Variants in PALM2AKAP2 observed in about 807,000 individuals in gnomAD.
PALM2AKAP2 encodes PALM2-AKAP2 fusion protein.
PALM2AKAP2 carries 37 observed loss-of-function variants against 71.5 expected under a neutral mutation model. The observed-to-expected ratio is 0.52, with a 90% CI of 0.40 to 0.68. The LOEUF (loss-of-function observed/expected upper bound fraction) is 0.68, where lower values mean the gene tolerates loss of function less well. Ranked by LOEUF, PALM2AKAP2 falls within the 30% of genes least tolerant of loss-of-function variation. PALM2AKAP2 has a pLI of 0.00. For missense variants in PALM2AKAP2, 1,224 were observed against 1,191.8 expected (o/e 1.03, Z -0.40); for synonymous variants, 468 against 478.8 (o/e 0.98, Z 0.29).
At chr9:109,718,988 A>G (rs1249066980) in intron 1 of PALM2AKAP2, among the ~76,000 whole-genome samples, 4 of 152,236 alleles carry the variant, frequency 2.6e-5, no homozygotes. Context: ...AAAAAAATGC[A>G]TTGTTCTGGC....
At chr9:109,647,748 A>G (rs12375900) in intron 1 of PALM2AKAP2, among the ~76,000 whole-genome samples, 4,589 of 152,274 alleles carry the variant, frequency 0.03, 81 homozygotes, top group Non-Finnish European at 0.047. Context: ...ACAAGGTGCA[A>G]ATGTTCAGAA....
At chr9:110,134,370 T>A (rs1418894404) in intron 1 of PALM2AKAP2, among the ~76,000 whole-genome samples, 1 of 152,132 alleles carries the variant, frequency 6.6e-6, no homozygotes, top group African/African-American at 2.4e-5. Context: ...AAATATTAAT[T>A]GTGTTAAGTA....
chr9:109,728,883 T>C (rs79496657), intron 1 of PALM2AKAP2, among the ~76,000 whole-genome samples: 2 of 152,310 alleles, frequency 1.3e-5, no homozygotes, highest in South Asian at 4.1e-4. Flanking sequence ...TAATTTACTG[T>C]GGCATTTTAC....
At chr9:109,740,432 C>A (rs1298093498) in intron 1 of PALM2AKAP2, among the ~76,000 whole-genome samples, 2 of 151,842 alleles carry the variant, frequency 1.3e-5, no homozygotes, top group Non-Finnish European at 2.9e-5. Flanking sequence ...TGTGTAGAGA[C>A]CTGATGGAAG....
At chr9:110,123,180 A>G (rs1835527347) in intron 1 of PALM2AKAP2, among the ~76,000 whole-genome samples, 2 of 152,172 alleles carry the variant, frequency 1.3e-5, no homozygotes, top group South Asian at 4.1e-4. Context: ...TGTATGTGTG[A>G]GTATATAGAT....
chr9:109,831,430 C>G (rs1362718786), intron 1 of PALM2AKAP2, among the ~76,000 whole-genome samples: 1 of 145,232 alleles, frequency 6.9e-6, no homozygotes, highest in Non-Finnish European at 1.6e-5. Context: ...TAGGCAAACA[C>G]TTGACACCCC....
At chr9:110,042,214 G>A (rs941500332) in intron 7 of PALM2AKAP2, among the ~76,000 whole-genome samples, 1 of 152,170 alleles carries the variant, frequency 6.6e-6, no homozygotes, top group African/African-American at 2.4e-5. Flanking sequence ...ATCACCTGAG[G>A]TTGGGAGTTT....
At chr9:109,745,208 C>T (rs1458969350) in intron 1 of PALM2AKAP2, among the ~76,000 whole-genome samples, 5 of 152,006 alleles carry the variant, frequency 3.3e-5, no homozygotes, top group South Asian at 2.1e-4. Context: ...GGCTCGTAGC[C>T]GGGCATGGTG....
chr9:110,020,437 CTG>C (rs1347475746), intron 7 of PALM2AKAP2, among the ~76,000 whole-genome samples: 4 of 152,090 alleles, frequency 2.6e-5, no homozygotes, highest in African/African-American at 9.7e-5. Flanking sequence ...AATCCTAGCA[CTG>C]TGGGAGGCCG....
chr9:109,929,822 C>G (rs1186444428), intron 5 of PALM2AKAP2, among the ~76,000 whole-genome samples: 1 of 145,242 alleles, frequency 6.9e-6, no homozygotes, highest in Non-Finnish European at 1.5e-5. Context: ...TGAGATTGCG[C>G]CACTGCACTC....
chr9:109,697,971 T>C (rs908815078), intron 1 of PALM2AKAP2, among the ~76,000 whole-genome samples: 1 of 152,198 alleles, frequency 6.6e-6, no homozygotes, highest in African/African-American at 2.4e-5. Context: ...CCATTATTAG[T>C]GCTTTTGGCA....
At chr9:109,642,764 C>A (rs947808253) in intron 1 of PALM2AKAP2, among the ~76,000 whole-genome samples, 3 of 150,934 alleles carry the variant, frequency 2.0e-5, no homozygotes, top group African/African-American at 7.3e-5. Flanking sequence ...GTTGCTCAGG[C>A]TAGTCTTGAA....
At position 109,660,200 on chromosome 9, in the gene PALM2AKAP2, T is replaced by A. The variant is rs549178228; in HGVS notation, c.5+19334T>A. 5.3e-5 allele frequency among the ~76,000 whole-genome samples: 8 copies of A among 152,336 alleles called. No individual in the cohort carries two copies. In the South Asian group the frequency reaches 1.0e-3, roughly 20 times the overall value. On this transcript the variant is annotated intron_variant, in intron 1 of 6. Coordinates refer to the PALM2AKAP2 transcript ENST00000374531. ...ACAAACCCTAGCAAAGTATCTTTTT[T>A]AAAATTATTATTATACTTTAAGTTC...
intron 7 of PALM2AKAP2, among the ~76,000 whole-genome samples, chr9:110,030,575 G>A (rs1467099272): frequency 6.6e-6 from 1 of 152,140 alleles, no homozygotes; most frequent in Admixed American, 6.5e-5. Flanking sequence ...ATAGGTTTCT[G>A]AGCCCTAACA....
At chr9:110,097,236 A>G (rs565666466) in intron 1 of PALM2AKAP2, among the ~76,000 whole-genome samples, 1 of 150,422 alleles carries the variant, frequency 6.6e-6, no homozygotes, top group African/African-American at 2.5e-5. Context: ...CTGAGTGGAC[A>G]CAGCACATGT....
chr9:109,785,836 G>A (rs1826947887), intron 1 of PALM2AKAP2, among the ~76,000 whole-genome samples: 3 of 152,194 alleles, frequency 2.0e-5, no homozygotes, highest in Non-Finnish European at 2.9e-5. Flanking sequence ...CCTTGGAAGG[G>A]TGCTTTGATA....
intron 1 of PALM2AKAP2, among the ~76,000 whole-genome samples, chr9:109,682,916 A>G (rs538067891): frequency 2.0e-5 from 3 of 152,314 alleles, no homozygotes; most frequent in African/African-American, 7.2e-5. Context: ...GTCTTCGCAG[A>G]GGTAATTATT....
At chr9:109,889,091 G>C (rs1421313827) in intron 3 of PALM2AKAP2, among the ~76,000 whole-genome samples, 2 of 152,152 alleles carry the variant, frequency 1.3e-5, no homozygotes, top group Admixed American at 1.3e-4. Flanking sequence ...GATTTATGAA[G>C]ATAACATTAG....
At chr9:110,087,897 G>T (rs142576053) in intron 1 of PALM2AKAP2, among the ~76,000 whole-genome samples, 1 of 152,266 alleles carries the variant, frequency 6.6e-6, no homozygotes, top group Non-Finnish European at 1.5e-5. Context: ...GGGAAGAAAG[G>T]GAATGTGGGA....
Sources: gnomAD v4.1 joint callset for allele counts (sites outside exome capture counted in the v4.1 genomes callset) on GRCh38, gnomAD v4.1.1 for gene constraint, MANE v1.5 for transcripts, NCBI Gene and HGNC (gene_info 2026-07-23, HGNC 2026-07-21) for gene names.